The following NPR1 variants were observed in gnomAD, a reference collection of about 807,000 sequenced individuals.
NPR1 encodes atrial natriuretic peptide receptor 1.
In NPR1, 57 loss-of-function variants were observed where a neutral mutation model predicts 116.9. The ratio of observed to expected loss-of-function variants is 0.49; its 90% confidence interval spans 0.39 to 0.61. The LOEUF (loss-of-function observed/expected upper bound fraction) is 0.61, where lower values mean the gene tolerates loss of function less well. NPR1 is among the 20% of genes least tolerant of loss of function. NPR1 has a pLI of 0.00. For missense variants in NPR1, 1,096 were observed against 1,409.8 expected (o/e 0.78, Z 3.56); for synonymous variants, 555 against 601.6 (o/e 0.92, Z 1.13).
intron 4 of NPR1, 37 bp downstream of exon 4, chr1:153,681,876 G>T: frequency 1.2e-6 from 2 of 1,607,716 alleles, no homozygotes; most frequent in Non-Finnish European, 8.5e-7. Flanking sequence ...GGCTGCCTTG[G>T]GGGATGAATC....
In NPR1 at chr1:153,684,960, C is replaced by G. The variant is rs1385031406; in HGVS notation, c.1485-4C>G. On this transcript the variant is annotated splice_region_variant and splice_polypyrimidine_tract_variant and intron_variant, in intron 7 of 21. Coordinates refer to ENST00000368680, the MANE Select transcript of NPR1 (RefSeq NM_000906.4). Reference sequence around the variant, plus strand: ...CAGGCTCAGATGCAGCCTTCGTATCCCAGGAAGATGCAGCTGGAGAAGGAA... The same window carrying G: ...CAGGCTCAGATGCAGCCTTCGTATCGCAGGAAGATGCAGCTGGAGAAGGAA... 1 of 1,613,974 alleles carries G rather than the reference C, an allele frequency of 6.2e-7. No individual in the cohort carries two copies. The highest frequency in any genetic ancestry group is 1.1e-5 in the South Asian group (1 of 91,060).
At chr1:153,684,239 G>A (rs1669863841) in intron 7 of NPR1, among the ~76,000 whole-genome samples, 1 of 152,130 alleles carries the variant, frequency 6.6e-6, no homozygotes, top group Admixed American at 6.5e-5. Context: ...AGCTGAATGA[G>A]CCTTGTTCCT....
rs777657267 is a variant in NPR1 at position 153,681,167 on chromosome 1, A to T, written c.922-13A>T. The T allele has an allele frequency of 4.0e-6, 6 of 1,510,656 alleles. No individual in the cohort carries two copies. Among genetic ancestry groups the T allele is most frequent in the Non-Finnish European group, 5.5e-6 (6 of 1,085,952 alleles). The allele number at this position is 1,510,656 out of a possible 1,614,324, so 93.6% of individuals were successfully genotyped here. On this transcript the variant is annotated splice_polypyrimidine_tract_variant and intron_variant, in intron 2 of 21. Coordinates refer to ENST00000368680, the MANE Select transcript of NPR1 (RefSeq NM_000906.4). ...GCTCCCAACTCTCTGCTCTCCACTGACCCCTTTCTCAGGCTGCCAAAATCA... is the reference window on the plus strand; with the variant it reads ...GCTCCCAACTCTCTGCTCTCCACTGTCCCCTTTCTCAGGCTGCCAAAATCA...
intron 19 of NPR1, 147 bp from the exon 20 acceptor site, chr1:153,690,137 T>TCACA (rs1557966074): frequency 1.6e-5 from 9 of 567,638 alleles, no homozygotes; most frequent in African/African-American, 4.9e-5. Context: ...TCTCTCTCTC[T>TCACA]CTCTCACACA....
In NPR1 at chr1:153,686,761, C is replaced by A. The variant is rs746014799; in HGVS notation, c.1863+11C>A. ...CGTGGGAGCCTGCAGGTGAGGGGGA[C>A]AAGGGGTGTCAAGAAACCTGGGTTC... is the stretch of plus-strand genomic sequence containing the variant. On this transcript the variant is annotated intron_variant, in intron 11 of 21. Coordinates refer to ENST00000368680, the MANE Select transcript of NPR1 (RefSeq NM_000906.4). The A allele has an allele frequency of 1.2e-5, 19 of 1,607,336 alleles. No individual in the cohort carries two copies. Among genetic ancestry groups the A allele is most frequent in the Non-Finnish European group, 1.5e-5 (18 of 1,174,984 alleles).
intron 20 of NPR1, among the ~76,000 whole-genome samples, chr1:153,690,732 G>C (rs1295512404): frequency 6.6e-6 from 1 of 151,708 alleles, no homozygotes; most frequent in Admixed American, 6.6e-5. Context: ...ACCTGAGGTC[G>C]GGGGTTCGAG....
In NPR1 at chr1:153,693,548, C is replaced by G; in HGVS notation, c.*134C>G. 1.3e-6 allele frequency: 1 copy of G among 756,506 alleles called. No homozygotes were observed. Among genetic ancestry groups the G allele is most frequent in the Admixed American group, 2.9e-5 (1 of 34,604 alleles). The allele number at this position is 756,506 out of a possible 1,614,324, so 46.9% of individuals were successfully genotyped here. On this transcript the variant is annotated 3_prime_UTR_variant, in exon 22 of 22. Coordinates refer to ENST00000368680, the MANE Select transcript of NPR1 (RefSeq NM_000906.4). Reference sequence around the variant, plus strand: ...AATTTGAATAGCTCAGGTGTGCTGACCCCAGTGAAGACACCAGATAGGACC... The same window carrying G: ...AATTTGAATAGCTCAGGTGTGCTGAGCCCAGTGAAGACACCAGATAGGACC...
chr1:153,680,823 C>A, intron 2 of NPR1, 123 bp downstream of exon 2: 1 of 776,540 alleles, frequency 1.3e-6, no homozygotes, highest in Non-Finnish European at 2.0e-6. Context: ...TTTCTTTATG[C>A]ACTCCTGGTA....
chr1:153,680,499 A>G lies in NPR1; in HGVS notation c.722-2A>G. ...TCTCTCTGACTCTCCGTCTTTCTCC[A>G]GTTATCTACATCTGCAGCTCCCCTG... is the stretch of plus-strand genomic sequence containing the variant. On this transcript the variant is annotated splice_acceptor_variant, in intron 1 of 21. Coordinates refer to ENST00000368680, the MANE Select transcript of NPR1 (RefSeq NM_000906.4). LOFTEE classifies it high-confidence loss of function. 1 of 1,613,798 alleles carries G rather than the reference A, an allele frequency of 6.2e-7. No individual in the cohort carries two copies. Among genetic ancestry groups the G allele is most frequent in the Non-Finnish European group, 8.5e-7 (1 of 1,179,864 alleles).
At chr1:153,690,787 C>G (rs542156433) in intron 20 of NPR1, among the ~76,000 whole-genome samples, 2 of 151,712 alleles carry the variant, frequency 1.3e-5, no homozygotes, top group Admixed American at 6.6e-5. Flanking sequence ...ACTAAAAATA[C>G]AAAAAACTAG....
At position 153,678,956 on chromosome 1, in the gene NPR1, A is replaced by C; in HGVS notation, c.-153A>C. ...GCTCTCGGCCCAGACCGTCGCAGCT[A>C]CAGGGGGCCTCGAGCCCCGGGGTGA... On this transcript the variant is annotated 5_prime_UTR_variant, in exon 1 of 22. Coordinates refer to ENST00000368680, the MANE Select transcript of NPR1 (RefSeq NM_000906.4). The surrounding 1 kb of genome is among the most constrained non-coding windows in gnomAD (Gnocchi z 5.8). The C allele has an allele frequency of 3.0e-6, 3 of 1,001,278 alleles. No homozygotes were observed. The highest frequency in any genetic ancestry group is 4.0e-6 in the Non-Finnish European group (3 of 742,800). 62.0% of individuals were successfully genotyped at this position (1,001,278 alleles called of 1,614,324 possible).
At chr1:153,684,699 C>CTTT (rs1669878452) in intron 7 of NPR1, among the ~76,000 whole-genome samples, 2 of 152,118 alleles carry the variant, frequency 1.3e-5, no homozygotes, top group Non-Finnish European at 2.9e-5. Context: ...CTCATGTTCA[C>CTTT]TATTTCTTTT....
rs372297612 is a variant in NPR1, at chr1:153,689,007, G to C, written c.2472G>C (p.Ala824=). 8 of 1,614,018 alleles carry C rather than the reference G, an allele frequency of 5.0e-6. No homozygotes were observed. The highest frequency in any genetic ancestry group is 2.7e-5 in the African/African-American group (2 of 74,896). The change falls in exon 16 of 22, where the codon GCG becomes GCC. Residue 824 remains alanine (A), a synonymous_variant. Transcript: ENST00000368680. This position sits in a 1 kb window ranked among gnomAD's most constrained non-coding sequence, Gnocchi z 5.1. The part of the protein sequence containing the change: ...DNLLSRMEQY[A]NNLEELVEER... ...TGCTGTCCCGCATGGAGCAGTACGC[G>C]AACAATCTGGAGGAACTGGTGGAGG...
chr1:153,681,050 T>G (rs1185102913), intron 2 of NPR1, 130 bp from the exon 3 acceptor site: 1 of 660,398 alleles, frequency 1.5e-6, no homozygotes, highest in Non-Finnish European at 2.7e-6. Context: ...ATGCAGGGCA[T>G]AGGGTCCAGT....
At chr1:153,693,242 A>C (rs1284875871) in intron 21 of NPR1, 45 bp downstream of exon 21, 1 of 1,603,858 alleles carries the variant, frequency 6.2e-7, no homozygotes, top group Non-Finnish European at 8.5e-7. Flanking sequence ...GGGGTCCTAG[A>C]GGGAGTTACC....
At chr1:153,692,872 G>A (rs1670144660) in intron 20 of NPR1, among the ~76,000 whole-genome samples, 1 of 152,120 alleles carries the variant, frequency 6.6e-6, no homozygotes, top group Admixed American at 6.6e-5. Flanking sequence ...CATGTGATTA[G>A]TGGCTACTGT....
At chr1:153,686,419 A>G (rs573740918) in intron 10 of NPR1, among the ~76,000 whole-genome samples, 2 of 151,464 alleles carry the variant, frequency 1.3e-5, no homozygotes, top group South Asian at 2.1e-4. Flanking sequence ...TTGAGGGGCC[A>G]TATGTGATGT....
Position 153,679,133 on chromosome 1 carries a change from G to A in NPR1, c.25G>A (p.Gly9Ser). The A allele has an allele frequency of 2.8e-6, 4 of 1,444,934 alleles. No homozygotes were observed. The highest frequency in any genetic ancestry group is 3.6e-6 in the Non-Finnish European group (4 of 1,109,802). 89.5% of individuals were successfully genotyped at this position (1,444,934 alleles called of 1,614,324 possible). A position where few individuals can be genotyped will look rare whatever the true frequency, so the allele number is the denominator to read the frequency against. Residue 9 changes from glycine (G) to serine (S), a missense_variant, in exon 1 of 22, where the codon GGC becomes AGC. By Grantham distance (56) the Gly-to-Ser change is moderately conservative. Coordinates refer to ENST00000368680, the MANE Select transcript of NPR1 (RefSeq NM_000906.4). The surrounding 1 kb of genome is among the most constrained non-coding windows in gnomAD (Gnocchi z 4.2). Reference sequence around the variant, plus strand: ...CATGCCGGGGCCCCGGCGCCCCGCTGGCTCCCGCCTGCGCCTGCTCCTGCT... The same window carrying A: ...CATGCCGGGGCCCCGGCGCCCCGCTAGCTCCCGCCTGCGCCTGCTCCTGCT... MPGPRRPA[G>S]SRLRLLLLLL...
chr1:153,688,013 G>C (rs1167306587), intron 14 of NPR1, 40 bp from the exon 15 acceptor site: 2 of 1,477,384 alleles, frequency 1.4e-6, no homozygotes, highest in Admixed American at 1.8e-5. Flanking sequence ...TAGGCCCTTG[G>C]CCAGCCCCAC....
Sources: gnomAD v4.1 joint callset for allele counts (sites outside exome capture counted in the v4.1 genomes callset) on GRCh38, gnomAD v4.1.1 for gene constraint, Gnocchi (gnomAD v3.1) non-coding constraint, MANE v1.5 for transcripts, NCBI Gene and HGNC (gene_info 2026-07-23, HGNC 2026-07-21) for gene names.